DENND1A: variants seen among roughly 807,000 people sequenced by gnomAD.
DENND1A encodes DENN domain-containing protein 1A.
Under a neutral mutation model 113.7 loss-of-function variants are expected in DENND1A, and 51 were observed. The ratio of observed to expected loss-of-function variants is 0.45; its 90% CI spans 0.36 to 0.57. The LOEUF is 0.57. Ranked by LOEUF, DENND1A falls within the 20% of genes least tolerant of loss-of-function variation. DENND1A has a pLI of 0.00. For missense variants in DENND1A, 1,258 were observed against 1,395.9 expected, an observed-to-expected ratio of 0.90 and a Z score of 1.57; for synonymous variants, 565 against 570.8, an observed-to-expected ratio of 0.99 and a Z score of 0.14.
In DENND1A at chr9:123,630,450, C is replaced by G. The variant is rs1435083757; in HGVS notation, c.645G>C (p.Ala215=). Residue 215 remains alanine, a synonymous_variant, in exon 10 of 24, where the codon GCG becomes GCC. Transcript: ENST00000394215. The part of the protein sequence containing the change: ...STLTACIHGS[A]AMLYPMYWQH... ...GCCAGTACATGGGGTAGAGCATCGC[C>G]GCAGACCCGTGGATGCAGGCAGTCA... 1 of 1,597,022 alleles carries G rather than the reference C, an allele frequency of 6.3e-7. No individual in the cohort carries two copies. The highest frequency in any genetic ancestry group is 2.3e-5 in the East Asian group (1 of 44,238).
Position 123,381,516 on chromosome 9 carries a change from C to T in DENND1A, c.3129G>A (p.Lys1043=). The change falls in exon 24 of 24, where the codon AAG becomes AAA. Residue 1043 remains lysine (K), a synonymous_variant. Coordinates refer to ENST00000394215, the MANE Select transcript of DENND1A (RefSeq NM_001352964.2). This position sits in a 1 kb window ranked among gnomAD's most constrained non-coding sequence, Gnocchi z 4.7. ...GGGCCGGACTCGGGCTCACGTCTTG[C>T]TTGGTTTTCTGTAACAAATCCTCAA... is the stretch of plus-strand genomic sequence containing the variant. The part of the protein sequence containing the change: ...DPFEDLLQKT[K]QDVSPSPALA... 1 of 1,613,554 alleles carries T rather than the reference C, an allele frequency of 6.2e-7. No homozygotes were observed. The highest frequency in any genetic ancestry group is 8.5e-7 in the Non-Finnish European group (1 of 1,179,914).
At chr9:123,638,964 C>A (rs969850594) in intron 9 of DENND1A, among the ~76,000 whole-genome samples, 1 of 137,312 alleles carries the variant, frequency 7.3e-6, no homozygotes, top group African/African-American at 2.7e-5. Flanking sequence ...ATCGTGAGTA[C>A]CTATCTGTCA....
chr9:123,849,747 T>C (rs1843075976), intron 2 of DENND1A, among the ~76,000 whole-genome samples: 1 of 152,224 alleles, frequency 6.6e-6, no homozygotes, highest in South Asian at 2.1e-4. Context: ...TTCACCATTC[T>C]AGATGCCATT....
At chr9:123,779,994 C>T (rs963065374) in intron 3 of DENND1A, among the ~76,000 whole-genome samples, 1 of 136,726 alleles carries the variant, frequency 7.3e-6, no homozygotes, top group African/African-American at 3.4e-5. Context: ...GCTGGGATTA[C>T]AGGCGCCCCC....
intron 2 of DENND1A, among the ~76,000 whole-genome samples, chr9:123,805,269 G>C (rs1835342665): frequency 6.6e-6 from 1 of 151,918 alleles, no homozygotes; most frequent in African/African-American, 2.4e-5. Flanking sequence ...ATTATATACA[G>C]GTAGAGTAGC....
At chr9:123,526,968 C>A (rs2054900534) in intron 13 of DENND1A, among the ~76,000 whole-genome samples, 1 of 152,228 alleles carries the variant, frequency 6.6e-6, no homozygotes, top group African/African-American at 2.4e-5. Flanking sequence ...TGGCTGTCCA[C>A]TGACATATCA....
At chr9:123,612,838 A>C (rs2060477091) in intron 10 of DENND1A, among the ~76,000 whole-genome samples, 1 of 152,198 alleles carries the variant, frequency 6.6e-6, no homozygotes, top group African/African-American at 2.4e-5. Context: ...GCCTAGTAGA[A>C]ATCTTTCAGG....
At chr9:123,585,666 C>T (rs2059129506) in intron 11 of DENND1A, among the ~76,000 whole-genome samples, 1 of 152,190 alleles carries the variant, frequency 6.6e-6, no homozygotes, top group South Asian at 2.1e-4. Flanking sequence ...ACTGATGTCA[C>T]ACTTCAGGCT....
chr9:123,585,920 A>T (rs1433693968), intron 11 of DENND1A, among the ~76,000 whole-genome samples: 1 of 152,200 alleles, frequency 6.6e-6, no homozygotes, highest in Admixed American at 6.5e-5. Context: ...ACACAGTAGG[A>T]TGTAATAAAT....
intron 5 of DENND1A, among the ~76,000 whole-genome samples, chr9:123,708,052 T>C (rs2066344400): frequency 6.6e-6 from 1 of 151,854 alleles, no homozygotes. Flanking sequence ...CGTATACGGG[T>C]GAAGTTGTAG....
intron 5 of DENND1A, among the ~76,000 whole-genome samples, chr9:123,704,723 T>A (rs950195363): frequency 6.6e-6 from 1 of 152,126 alleles, no homozygotes; most frequent in Non-Finnish European, 1.5e-5. Context: ...TCTCATTTTT[T>A]AAAGGAATGA....
chr9:123,914,092 T>C (rs934260719), intron 1 of DENND1A, among the ~76,000 whole-genome samples: 5 of 151,698 alleles, frequency 3.3e-5, no homozygotes, highest in African/African-American at 1.2e-4. Flanking sequence ...GAACCTTAGT[T>C]CTTAAGGATC....
At chr9:123,793,042 G>C (rs970953262) in intron 2 of DENND1A, among the ~76,000 whole-genome samples, 19 of 152,150 alleles carry the variant, frequency 1.2e-4, no homozygotes, top group Non-Finnish European at 2.5e-4. Flanking sequence ...TGGGGAGAAA[G>C]GGGGAGTGAG....
At chr9:123,699,241 A>G (rs763375478) in intron 5 of DENND1A, among the ~76,000 whole-genome samples, 4 of 152,230 alleles carry the variant, frequency 2.6e-5, no homozygotes, top group Non-Finnish European at 5.9e-5. Context: ...TAGGTAAAAT[A>G]TGGAACACCT....
chr9:123,486,922 C>T (rs562336606), intron 13 of DENND1A, among the ~76,000 whole-genome samples: 3 of 152,266 alleles, frequency 2.0e-5, no homozygotes, highest in South Asian at 4.2e-4. Flanking sequence ...CCCTGGGAGC[C>T]GACTGGAGGA....
chr9:123,841,318 A>T (rs544763177), intron 2 of DENND1A, among the ~76,000 whole-genome samples: 6 of 152,360 alleles, frequency 3.9e-5, no homozygotes, highest in African/African-American at 1.4e-4. Flanking sequence ...AAAAAATTAT[A>T]AATTCAATAA....
intron 20 of DENND1A, among the ~76,000 whole-genome samples, chr9:123,407,232 C>T (rs1054642123): frequency 6.6e-6 from 1 of 152,050 alleles, no homozygotes; most frequent in Non-Finnish European, 1.5e-5. Context: ...ACACGCCAGA[C>T]CCAGAGGCGG....
chr9:123,667,325 A>G (rs1298954755), intron 7 of DENND1A, among the ~76,000 whole-genome samples: 1 of 152,190 alleles, frequency 6.6e-6, no homozygotes, highest in Non-Finnish European at 1.5e-5. Context: ...ATATAAATGA[A>G]GAGTTCAGGC....
chr9:123,764,548 T>C lies in DENND1A; in HGVS notation c.182+4966A>G, dbSNP rs909094428. On this transcript the variant is annotated intron_variant, in intron 4 of 23. Transcript: ENST00000394215. The surrounding 1 kb of genome is among the most constrained non-coding windows in gnomAD (Gnocchi z 4.1). ...AAAGATCCAAGTGGTGAGAATGACA[T>C]GGACCCAAAATATGAGGGGACCAAC... is the stretch of plus-strand genomic sequence containing the variant. 6.6e-6 allele frequency among the ~76,000 whole-genome samples: 1 copy of C among 152,190 alleles called. No homozygotes were observed. Among genetic ancestry groups the C allele is most frequent in the African/African-American group, 2.4e-5 (1 of 41,440 alleles).
Sources: allele counts gnomAD v4.1 joint callset (sites outside exome capture counted in the v4.1 genomes callset), GRCh38; gene constraint gnomAD v4.1.1; non-coding constraint Gnocchi (gnomAD v3.1); transcripts MANE v1.5; gene names NCBI Gene and HGNC (gene_info 2026-07-23, HGNC 2026-07-21).